ZNF335: variants seen among roughly 807,000 people sequenced by gnomAD.
ZNF335 encodes the protein NRC-interacting factor 1.
Under a neutral mutation model 145.6 loss-of-function variants are expected in ZNF335, and 84 were observed. The ratio of observed to expected loss-of-function variants is 0.58; its 90% CI spans 0.48 to 0.69. The LOEUF is 0.69. ZNF335 is among the 30% of genes least tolerant of loss of function. The probability of loss-of-function intolerance (pLI) is 0.00; values close to 1 mark genes in which losing one functional copy is unlikely to be tolerated. For synonymous variants in ZNF335, 761 were observed against 717.0 expected, an observed-to-expected ratio of 1.06 and a Z score of -0.98; for missense variants, 1,865 against 1,809.7, an observed-to-expected ratio of 1.03 and a Z score of -0.55.
At position 45,948,775 on chromosome 20, in the gene ZNF335, G is replaced by A. The variant is rs2083571602; in HGVS notation, c.*178C>T. On this transcript the variant is annotated 3_prime_UTR_variant, in exon 28 of 28. Coordinates refer to ENST00000322927, the MANE Select transcript of ZNF335 (RefSeq NM_022095.4). Reference sequence around the variant, plus strand: ...CAGGCTGGGGCACCCAGCATGTCCTGGCTGGGGCCCATGGCTGCCCCTAAC... The same window carrying A: ...CAGGCTGGGGCACCCAGCATGTCCTAGCTGGGGCCCATGGCTGCCCCTAAC... The A allele has an allele frequency of 1.0e-6, 1 of 975,812 alleles. No homozygotes were observed. The highest frequency in any genetic ancestry group is 1.5e-6 in the Non-Finnish European group (1 of 660,562). 60.4% of individuals were successfully genotyped at this position (975,812 alleles called of 1,614,324 possible).
At position 45,957,887 on chromosome 20, in the gene ZNF335, G is replaced by C. The variant is rs760104265; in HGVS notation, c.2295C>G (p.Pro765=). 4 of 1,613,930 alleles carry C rather than the reference G, an allele frequency of 2.5e-6. No homozygotes were observed. The highest frequency in any genetic ancestry group is 3.4e-6 in the Non-Finnish European group (4 of 1,180,028). The change falls in exon 16 of 28, where the codon CCC becomes CCG. Residue 765 remains proline, a synonymous_variant. Coordinates refer to ENST00000322927, the MANE Select transcript of ZNF335 (RefSeq NM_022095.4). The part of the protein sequence containing the change: ...EATTFQSSEA[P]SLLCSDTLGG... Reference sequence around the variant, plus strand: ...CCAGGGTGTCAGAACAGAGCAATGAGGGAGCCTCAGATGACTGGAAAGTTG... The same window carrying C: ...CCAGGGTGTCAGAACAGAGCAATGACGGAGCCTCAGATGACTGGAAAGTTG...
At chr20:45,959,061 C>G (rs2083777810) in intron 15 of ZNF335, 140 bp downstream of exon 15, 3 of 619,866 alleles carry the variant, frequency 4.8e-6, no homozygotes, top group Non-Finnish European at 7.2e-6. Context: ...AAGCTTAGGG[C>G]TGGCATATGT....
chr20:45,960,936 AC>A, intron 10 of ZNF335, 54 bp from the exon 11 acceptor site: 1 of 1,606,676 alleles, frequency 6.2e-7, no homozygotes, highest in South Asian at 1.1e-5. Context: ...CCCACTCTAG[AC>A]CCTCTCACAC....
At chr20:45,971,802 G>C (rs1442034953) in intron 1 of ZNF335, 1 of 985,096 alleles carries the variant, frequency 1.0e-6, no homozygotes, top group African/African-American at 1.7e-5. Flanking sequence ...TTGCAGGGCC[G>C]GTGGTACAGC....
chr20:45,956,275 C>G (rs2083727253), intron 17 of ZNF335, among the ~76,000 whole-genome samples: 1 of 150,802 alleles, frequency 6.6e-6, no homozygotes, highest in Admixed American at 6.6e-5. Context: ...GTTGGCCAGG[C>G]TGGAGTGCAA....
In ZNF335 at chr20:45,957,873, G is replaced by A; in HGVS notation, c.2309C>T (p.Ser770Phe). The A allele has an allele frequency of 6.2e-7, 1 of 1,613,978 alleles. No homozygotes were observed. The highest frequency in any genetic ancestry group is 8.5e-7 in the Non-Finnish European group (1 of 1,179,998). ...GATGGTGGCGCCGCCCAGGGTGTCA[G>A]AACAGAGCAATGAGGGAGCCTCAGA... is the stretch of plus-strand genomic sequence containing the variant. ...QSSEAPSLLCSDTLGGATIIY... is the reference protein window; with the variant it reads ...QSSEAPSLLCFDTLGGATIIY... Residue 770 changes from serine (S) to phenylalanine (F), a missense_variant, in exon 16 of 28, where the codon TCT becomes TTT. Coordinates refer to ENST00000322927, the MANE Select transcript of ZNF335 (RefSeq NM_022095.4).
In ZNF335 at chr20:45,960,335, T is replaced by C; in HGVS notation, c.1893A>G (p.Glu631=). The C allele has an allele frequency of 2.5e-6, 4 of 1,614,180 alleles. No homozygotes were observed. Among genetic ancestry groups the C allele is most frequent in the Non-Finnish European group, 3.4e-6 (4 of 1,180,020 alleles). The part of the protein sequence containing the change: ...FKCEFCEFVC[E]DKKALLNHQL... ...GGTGGTTCAGCAGTGCCTTCTTGTC[T>C]TCACAAACAAACTCACAGAACTCAC... is the stretch of plus-strand genomic sequence containing the variant. Residue 631 remains glutamate, a synonymous_variant, in exon 14 of 28, where the codon GAA becomes GAG. Coordinates refer to ENST00000322927, the MANE Select transcript of ZNF335 (RefSeq NM_022095.4).
At chr20:45,952,859 C>T in intron 18 of ZNF335, 150 bp from the exon 19 acceptor site, 1 of 638,802 alleles carries the variant, frequency 1.6e-6, no homozygotes, top group Non-Finnish European at 2.7e-6. Context: ...GCCCTGTTAC[C>T]AAATGACCCT....
intron 25 of ZNF335, 35 bp downstream of exon 25, chr20:45,949,450 C>T (rs1322439089): frequency 6.2e-7 from 1 of 1,613,968 alleles, no homozygotes; most frequent in Non-Finnish European, 8.5e-7. Flanking sequence ...TGCAGCCCTT[C>T]ACCACACAGC....
At position 45,949,554 on chromosome 20, in the gene ZNF335, G is replaced by A; in HGVS notation, c.3684C>T (p.Ile1228=). ...GCAGGTGCTGGACACCATCCTGGGA[G>A]ATGATATACTGCACCTGTTGGTGGG... is the stretch of plus-strand genomic sequence containing the variant. The part of the protein sequence containing the change: ...VTSDNQVQYI[I]SQDGVQHLLP... The change falls in exon 25 of 28, where the codon ATC becomes ATT. Residue 1228 remains isoleucine (I), a synonymous_variant. Transcript: ENST00000322927. 1 of 1,612,372 alleles carries A rather than the reference G, an allele frequency of 6.2e-7. No individual in the cohort carries two copies. The highest frequency in any genetic ancestry group is 8.5e-7 in the Non-Finnish European group (1 of 1,179,652).
In ZNF335 at chr20:45,949,313, C is replaced by G; in HGVS notation, c.3819+20G>C. On this transcript the variant is annotated intron_variant, in intron 26 of 27. Transcript: ENST00000322927. ...AAACCTGCCTGTGCCCCAGGTCTCC[C>G]TGTCCCCCCACGGCCCTACCTGGGA... The G allele has an allele frequency of 1.2e-6, 2 of 1,614,080 alleles. No individual in the cohort carries two copies. Among genetic ancestry groups the G allele is most frequent in the Non-Finnish European group, 1.7e-6 (2 of 1,180,028 alleles).
chr20:45,971,481 G>T, intron 1 of ZNF335, 21 bp from the exon 2 acceptor site: 1 of 1,568,046 alleles, frequency 6.4e-7, no homozygotes. Context: ...AGGTGACCGT[G>T]GCTGGAACAA....
At position 45,948,675 on chromosome 20, in the gene ZNF335, C is replaced by T. The variant is rs3363; in HGVS notation, c.*278G>A. The stretch of plus-strand genomic sequence containing the variant: ...AAGTAAGCTGTTCAGGACTGGACTC[C>T]GGTCCCTTTATTGAGACTGACAGGC... On this transcript the variant is annotated 3_prime_UTR_variant, in exon 28 of 28. Transcript: ENST00000322927. 65,820 of 448,752 alleles carry T rather than the reference C, an allele frequency of 0.15. 5,988 individuals carry two copies. The highest frequency in any genetic ancestry group is 0.32 in the East Asian group (6,881 of 21,694). The allele number at this position is 448,752 out of a possible 1,614,324, so 27.8% of individuals were successfully genotyped here.
intron 17 of ZNF335, among the ~76,000 whole-genome samples, chr20:45,955,706 G>A (rs1857122044): frequency 6.6e-6 from 1 of 151,600 alleles, no homozygotes; most frequent in Non-Finnish European, 1.5e-5. Flanking sequence ...TGTAATCCCA[G>A]CAACTCAGGA....
At position 45,960,611 on chromosome 20, in the gene ZNF335, C is replaced by T; in HGVS notation, c.1782+5G>A. The T allele has an allele frequency of 2.5e-6, 4 of 1,614,086 alleles. No individual in the cohort carries two copies. Among genetic ancestry groups the T allele is most frequent in the Non-Finnish European group, 3.4e-6 (4 of 1,179,992 alleles). ...CTCTCAGCCCCAGCCCTGGCTCCCA[C>T]CCACCTTGTCACACATGTGGGGCTT... On this transcript the variant is annotated splice_donor_5th_base_variant and intron_variant, in intron 12 of 27. Coordinates refer to ENST00000322927, the MANE Select transcript of ZNF335 (RefSeq NM_022095.4).
chr20:45,960,597 A>G lies in ZNF335; in HGVS notation c.1782+19T>C, dbSNP rs752905858. 1.9e-6 allele frequency: 3 copies of G among 1,614,056 alleles called. No individual in the cohort carries two copies. Among genetic ancestry groups the G allele is most frequent in the African/African-American group, 2.7e-5 (2 of 75,046 alleles). On this transcript the variant is annotated intron_variant, in intron 12 of 27. Transcript: ENST00000322927. ...CAGGGGAGGCCCTCCTCTCAGCCCC[A>G]GCCCTGGCTCCCACCCACCTTGTCA...
In ZNF335 at chr20:45,963,948, C is replaced by G; in HGVS notation, c.1145G>C (p.Ser382Thr). The change falls in exon 8 of 28, where the codon AGC (serine) becomes ACC (threonine). Residue 382 changes from serine to threonine, a missense_variant. Transcript: ENST00000322927. The stretch of plus-strand genomic sequence containing the variant: ...CTCGGGATCCTGTGGCTCTGGAGGG[C>G]TCTGTCCACTCTGGGAACTCACTAG... ...EPLVSSQSGQ[S>T]PPEPQDPEAP... 1 of 1,539,588 alleles carries G rather than the reference C, an allele frequency of 6.5e-7. No individual in the cohort carries two copies. The highest frequency in any genetic ancestry group is 8.7e-7 in the Non-Finnish European group (1 of 1,145,330).
In ZNF335 at chr20:45,949,583, G is replaced by GA; in HGVS notation, c.3670-16_3670-15insT. ...ATATACTGCACCTGTTGGTGGGGGG[G>GA]GCGGGCATGGCGAGGCAGGTGCTGA... is the stretch of plus-strand genomic sequence containing the variant. On this transcript the variant is annotated splice_polypyrimidine_tract_variant and intron_variant, in intron 24 of 27. Transcript: ENST00000322927. 1 of 1,601,720 alleles carries GA rather than the reference G, an allele frequency of 6.2e-7. No homozygotes were observed. Among genetic ancestry groups the GA allele is most frequent in the Non-Finnish European group, 8.5e-7 (1 of 1,175,108 alleles).
chr20:45,967,253 C>T (rs1295096123), intron 6 of ZNF335: 1 of 579,884 alleles, frequency 1.7e-6, no homozygotes, highest in Non-Finnish European at 3.1e-6. Context: ...CGCACCTTTA[C>T]TTGTATTCTA....
Sources: allele counts gnomAD v4.1 joint callset (sites outside exome capture counted in the v4.1 genomes callset), GRCh38; gene constraint gnomAD v4.1.1; transcripts MANE v1.5; gene names NCBI Gene and HGNC (gene_info 2026-07-23, HGNC 2026-07-21).